The following GPC6 variants were observed in gnomAD, a reference collection of about 807,000 sequenced individuals.
GPC6 encodes the protein glypican-6.
GPC6 carries 14 observed loss-of-function variants against 55.2 expected under a neutral mutation model. That is an observed-to-expected ratio of 0.25 (90% confidence interval 0.17 to 0.40). The LOEUF is 0.40. Among genes scored for constraint, GPC6 ranks in the 10% least tolerant of loss-of-function variants. GPC6 has a pLI of 1.00. For synonymous variants in GPC6, 278 were observed against 259.6 expected, an observed-to-expected ratio of 1.07 and a Z score of -0.68; for missense variants, 641 against 708.5, an observed-to-expected ratio of 0.90 and a Z score of 1.08.
chr13:94,043,284 C>T (rs1479688818), intron 4 of GPC6, among the ~76,000 whole-genome samples: 1 of 151,696 alleles, frequency 6.6e-6, no homozygotes, highest in Non-Finnish European at 1.5e-5. Context: ...AGCCCTGTCT[C>T]CAAAATACAC....
intron 4 of GPC6, among the ~76,000 whole-genome samples, chr13:94,153,919 G>A (rs778818450): frequency 6.6e-6 from 1 of 152,032 alleles, no homozygotes; most frequent in Non-Finnish European, 1.5e-5. Flanking sequence ...TCAGAATTGT[G>A]CAAATAATGT....
In GPC6 at chr13:94,054,165, G is replaced by A. The variant is rs75425650; in HGVS notation, c.877+26271G>A. On this transcript the variant is annotated intron_variant, in intron 4 of 8. Coordinates refer to ENST00000377047, the MANE Select transcript of GPC6 (RefSeq NM_005708.5). ...ATCAAAGAAGAGGGGACTCTAAACCGAGGAAGTAAATCTTGCTAGCTCTGG... is the reference window on the plus strand; with the variant it reads ...ATCAAAGAAGAGGGGACTCTAAACCAAGGAAGTAAATCTTGCTAGCTCTGG... 5.6e-3 allele frequency among the ~76,000 whole-genome samples: 852 copies of A among 152,264 alleles called. 12 individuals carry two copies. The highest frequency in any genetic ancestry group is 0.02 in the African/African-American group (814 of 41,552).
intron 2 of GPC6, among the ~76,000 whole-genome samples, chr13:93,637,902 G>A (rs1455851052): frequency 6.6e-6 from 1 of 152,092 alleles, no homozygotes; most frequent in Non-Finnish European, 1.5e-5. Flanking sequence ...TCATATTAGA[G>A]ATGACAAATG....
chr13:94,307,533 G>A (rs187803535), intron 6 of GPC6, among the ~76,000 whole-genome samples: 3 of 152,154 alleles, frequency 2.0e-5, no homozygotes, highest in South Asian at 2.1e-4. Flanking sequence ...GGCTGGTCTC[G>A]AACTCTTGAG....
At chr13:93,223,605 G>C (rs898271962), upstream of GPC6, among the ~76,000 whole-genome samples, 1 of 151,772 alleles carries the variant, frequency 6.6e-6, no homozygotes, top group Non-Finnish European at 1.5e-5. Flanking sequence ...CATCACACCA[G>C]CGAATTTTTT....
chr13:94,328,437 G>A (rs911041950), intron 6 of GPC6, among the ~76,000 whole-genome samples: 1 of 152,218 alleles, frequency 6.6e-6, no homozygotes, highest in Non-Finnish European at 1.5e-5. Context: ...GAGGTTTCCA[G>A]TGGAGAGAGG....
rs558952442 is a variant in GPC6 at position 93,473,235 on chromosome 13, T to A, written c.161-72028T>A. ...GCTGCCGTCCATGGGCCCAGGCTGC[T>A]CTCACCAAGGGGCACCTATAGGTCA... On this transcript the variant is annotated intron_variant, in intron 1 of 8. Transcript: ENST00000377047. 8.5e-5 allele frequency among the ~76,000 whole-genome samples: 13 copies of A among 152,280 alleles called. 2 individuals carry two copies. The highest frequency in any genetic ancestry group is 3.1e-4 in the African/African-American group (13 of 41,572).
chr13:93,362,326 T>C (rs1881068765), intron 1 of GPC6, among the ~76,000 whole-genome samples: 1 of 152,150 alleles, frequency 6.6e-6, no homozygotes, highest in South Asian at 2.1e-4. Context: ...CCCTTTGCTT[T>C]TGAATTTCTG....
intron 1 of GPC6, among the ~76,000 whole-genome samples, chr13:93,416,522 C>T (rs529162022): frequency 6.6e-6 from 1 of 152,038 alleles, no homozygotes; most frequent in Non-Finnish European, 1.5e-5. Flanking sequence ...CCCCCTCAAG[C>T]CTTGATCATT....
rs574167221 is a variant in GPC6 at position 93,625,686 on chromosome 13, C to A, written c.319+80265C>A. Among the ~76,000 whole-genome samples the A allele has an allele frequency of 2.0e-5, 3 of 152,302 alleles. No homozygotes were observed. In the South Asian group the frequency reaches 6.2e-4, roughly 32 times the overall value. On this transcript the variant is annotated intron_variant, in intron 2 of 8. Transcript: ENST00000377047. ...CCTCCTTCTACCTCTTTTCCCAAGGCCCCAGGCCAAAATGCTTGGGAGAAA... is the reference window on the plus strand; with the variant it reads ...CCTCCTTCTACCTCTTTTCCCAAGGACCCAGGCCAAAATGCTTGGGAGAAA...
chr13:93,300,818 G>C (rs569269901), intron 1 of GPC6, among the ~76,000 whole-genome samples: 1 of 151,898 alleles, frequency 6.6e-6, no homozygotes, highest in Non-Finnish European at 1.5e-5. Flanking sequence ...TCAGGAGTTC[G>C]AGACCAGTCT....
intron 6 of GPC6, 43 bp downstream of exon 6, chr13:94,306,166 T>C (rs778543277): frequency 1.9e-6 from 3 of 1,610,754 alleles, no homozygotes; most frequent in African/African-American, 1.3e-5. Context: ...TGCTTTGTTT[T>C]ACCAAGGTCA....
intron 6 of GPC6, among the ~76,000 whole-genome samples, chr13:94,310,062 G>C (rs954371226): frequency 2.0e-5 from 3 of 152,108 alleles, no homozygotes; most frequent in African/African-American, 4.8e-5. Flanking sequence ...GCACAAAATA[G>C]CTCGATTTTT....
intron 4 of GPC6, among the ~76,000 whole-genome samples, chr13:94,138,418 C>T (rs835981): frequency 0.42 from 63,767 of 151,994 alleles, 15,036 homozygotes; most frequent in Middle Eastern, 0.56. Flanking sequence ...TTCCTGTAAT[C>T]GTTCCAGTCG....
At chr13:93,498,354 A>G (rs539717593) in intron 1 of GPC6, among the ~76,000 whole-genome samples, 4 of 152,254 alleles carry the variant, frequency 2.6e-5, no homozygotes, top group Non-Finnish European at 5.9e-5. Context: ...TACCCTTTTA[A>G]TTGAGGGTGA....
chr13:94,080,154 A>C (rs1213564874), intron 4 of GPC6, among the ~76,000 whole-genome samples: 1 of 152,202 alleles, frequency 6.6e-6, no homozygotes, highest in African/African-American at 2.4e-5. Flanking sequence ...CCAGGATTCA[A>C]TTTTAGAAGA....
intron 1 of GPC6, among the ~76,000 whole-genome samples, chr13:93,271,769 A>T (rs1394890772): frequency 1.3e-5 from 2 of 152,148 alleles, no homozygotes; most frequent in Non-Finnish European, 1.5e-5. Context: ...AAATATCCCA[A>T]CCTTTTGAGT....
chr13:93,528,997 T>C (rs983420068), intron 1 of GPC6, among the ~76,000 whole-genome samples: 7 of 152,140 alleles, frequency 4.6e-5, no homozygotes, highest in Admixed American at 1.3e-4. Context: ...GTCCACATAC[T>C]GTGGAAAGTA....
At chr13:94,103,522 A>G (rs1405902093) in intron 4 of GPC6, among the ~76,000 whole-genome samples, 1 of 152,160 alleles carries the variant, frequency 6.6e-6, no homozygotes, top group Non-Finnish European at 1.5e-5. Context: ...AAGTGTTCCT[A>G]TTTCTCCACA....
Sources: allele counts gnomAD v4.1 joint callset (sites outside exome capture counted in the v4.1 genomes callset), GRCh38; gene constraint gnomAD v4.1.1; transcripts MANE v1.5; gene names NCBI Gene and HGNC (gene_info 2026-07-23, HGNC 2026-07-21).